Variants in TNRC18 observed in about 807,000 individuals in gnomAD.
The protein encoded by TNRC18 is trinucleotide repeat-containing gene 18 protein.
TNRC18 carries 69 observed loss-of-function variants against 226.7 expected under a neutral mutation model. The observed-to-expected ratio is 0.30, with a 90% confidence interval of 0.25 to 0.37. The LOEUF is 0.37. Among genes scored for constraint, TNRC18 ranks in the 10% least tolerant of loss-of-function variants. TNRC18 has a pLI of 1.00. For synonymous variants in TNRC18, 2,449 were observed against 1,927.6 expected, an observed-to-expected ratio of 1.27 and a Z score of -7.09; for missense variants, 4,754 against 4,256.6, an observed-to-expected ratio of 1.12 and a Z score of -3.25.
intron 2 of TNRC18, among the ~76,000 whole-genome samples, chr7:5,395,263 G>A (rs193197430): frequency 5.2e-4 from 79 of 152,308 alleles, no homozygotes; most frequent in African/African-American, 1.8e-3. Flanking sequence ...GAATGAATCC[G>A]TGATGAATGG....
At chr7:5,314,836 G>C in intron 26 of TNRC18, 148 bp downstream of exon 26, 1 of 874,398 alleles carries the variant, frequency 1.1e-6, no homozygotes, top group Non-Finnish European at 1.7e-6. Context: ...GCCTCCCAAA[G>C]CGCTGGGATT....
chr7:5,351,860 C>CGCGCCTCGGCCTCTCGAA lies in TNRC18; in HGVS notation c.5411_5428dup (p.Leu1804_Ala1809dup), dbSNP rs1213723382. ...CTCCGAAGAGTCGCTGAAGGAGGAA[C>CGCGCCTCGGCCTCTCGAA]GCGCCTCGGCCTCTCGAAGCAGCAG... is the stretch of plus-strand genomic sequence containing the variant. On this transcript the variant is annotated inframe_insertion, in exon 17 of 30. Transcript: ENST00000430969. 1 of 1,608,338 alleles carries CGCGCCTCGGCCTCTCGAA rather than the reference C, an allele frequency of 6.2e-7. No individual in the cohort carries two copies. Among genetic ancestry groups the CGCGCCTCGGCCTCTCGAA allele is most frequent in the Admixed American group, 1.7e-5 (1 of 58,382 alleles).
rs1788550107 is a variant in TNRC18 at position 5,323,179 on chromosome 7, C to T, written c.6442+1035G>A. Among the ~76,000 whole-genome samples the T allele has an allele frequency of 2.6e-5, 4 of 152,214 alleles. No homozygotes were observed. In the South Asian group the frequency reaches 6.2e-4, roughly 24 times the overall value. On this transcript the variant is annotated intron_variant, in intron 21 of 29. Transcript: ENST00000430969. ...GCAGGTGACCAATGCAGCCTTGGGG[C>T]GGCCGACTCCTTCTCACTCGCTCCC...
intron 18 of TNRC18, among the ~76,000 whole-genome samples, chr7:5,336,929 G>A (rs1790169882): frequency 6.6e-6 from 1 of 152,138 alleles, no homozygotes; most frequent in South Asian, 2.1e-4. Flanking sequence ...TGTTAAACAG[G>A]AAAAGAAAGA....
At chr7:5,387,573 C>T in intron 5 of TNRC18, 99 bp downstream of exon 5, 2 of 1,491,328 alleles carry the variant, frequency 1.3e-6, no homozygotes, top group Non-Finnish European at 1.8e-6. Flanking sequence ...CTTATAAAGA[C>T]TTAGCAATAG....
Position 5,378,022 on chromosome 7 carries a change from G to A in TNRC18, c.2155C>T (p.His719Tyr), listed in dbSNP as rs1779127634. 2 of 1,609,070 alleles carry A rather than the reference G, an allele frequency of 1.2e-6. No homozygotes were observed. The highest frequency in any genetic ancestry group is 1.7e-6 in the Non-Finnish European group (2 of 1,179,428). ...RSLSLSNVKG[H>Y]GRADEDCVDD... is the part of the protein sequence containing the mutation. ...ACACAGTCCTCATCTGCTCGGCCGT[G>A]CCCTGCAGGGGGCCAGGTGGAAGTG... The change falls in exon 6 of 30, where the codon CAC becomes TAC. Residue 719 changes from histidine (H) to tyrosine (Y), a missense_variant and splice_region_variant. Physicochemically the swap from His to Tyr is moderately conservative, Grantham distance 83. Transcript: ENST00000430969.
intron 17 of TNRC18, among the ~76,000 whole-genome samples, chr7:5,347,725 G>A (rs1347090037): frequency 6.6e-6 from 1 of 151,702 alleles, no homozygotes; most frequent in Admixed American, 6.6e-5. Flanking sequence ...GGGAGGCCAA[G>A]GCATGTGGAT....
chr7:5,318,060 C>T (rs1274408925), intron 24 of TNRC18, among the ~76,000 whole-genome samples: 2 of 151,988 alleles, frequency 1.3e-5, no homozygotes, highest in Non-Finnish European at 2.9e-5. Context: ...TTAATAGAGA[C>T]GGGGTTTCAC....
At position 5,361,542 on chromosome 7, in the gene TNRC18, C is replaced by T. The variant is rs1032253321; in HGVS notation, c.4661+52G>A. 3 of 1,440,394 alleles carry T rather than the reference C, an allele frequency of 2.1e-6. No individual in the cohort carries two copies. The African/African-American group carries it at 4.5e-5, about 21-fold the overall frequency. 89.2% of individuals were successfully genotyped at this position (1,440,394 alleles called of 1,614,324 possible). A position where few individuals can be genotyped will look rare whatever the true frequency, so the allele number is the denominator to read the frequency against. ...GCAGGCCCTGCGTGGGGCCCGGGCT[C>T]CTCCCCTCAAGCTGTGTGCCAGTCC... On this transcript the variant is annotated intron_variant, in intron 14 of 29. Coordinates refer to ENST00000430969, the MANE Select transcript of TNRC18 (RefSeq NM_001080495.3).
At chr7:5,351,199 AGGGGAGGAGGTG>A (rs937061126) in intron 17 of TNRC18, among the ~76,000 whole-genome samples, 2 of 150,326 alleles carry the variant, frequency 1.3e-5, no homozygotes, top group African/African-American at 4.9e-5. Context: ...GGGAGGAGGG[AGGGGAGGAGGTG>A]GGGGAGAAAC....
At position 5,312,111 on chromosome 7, in the gene TNRC18, G is replaced by A. The variant is rs1314679222; in HGVS notation, c.8388+392C>T. On this transcript the variant is annotated intron_variant, in intron 27 of 29. Transcript: ENST00000430969. This position sits in a 1 kb window ranked among gnomAD's most constrained non-coding sequence, Gnocchi z 6.3. ...AGATCACACCACCACACTCCAGCCT[G>A]GGCAACAGAGAGAGACTCAGTCTCA... Among the ~76,000 whole-genome samples, 1 of 152,212 alleles carries A rather than the reference G, an allele frequency of 6.6e-6. No individual in the cohort carries two copies. Among genetic ancestry groups the A allele is most frequent in the Admixed American group, 6.5e-5 (1 of 15,278 alleles).
At position 5,389,053 on chromosome 7, in the gene TNRC18, G is replaced by T; in HGVS notation, c.771C>A (p.Arg257=). Residue 257 remains arginine (R), a synonymous_variant, in exon 5 of 30, where the codon CGC becomes CGA. Transcript: ENST00000430969. ...GGAAGGGCGACAGGCGCTCAGCCAG[G>T]CGCGGGGGCCCCCGGTCCTGGCGGC... is the stretch of plus-strand genomic sequence containing the variant. ...AEGRQDRGPP[R]LAERLSPFLA... 1 of 1,290,738 alleles carries T rather than the reference G, an allele frequency of 7.7e-7. No homozygotes were observed. The highest frequency in any genetic ancestry group is 9.9e-7 in the Non-Finnish European group (1 of 1,010,400). The allele number at this position is 1,290,738 out of a possible 1,614,324, so 80.0% of individuals were successfully genotyped here. A position where few individuals can be genotyped will look rare whatever the true frequency, so the allele number is the denominator to read the frequency against.
chr7:5,345,522 T>TCCCCCCCCCCCCCCCCCCCCCCCC, intron 18 of TNRC18, 40 bp downstream of exon 18: 1 of 170,136 alleles, frequency 5.9e-6, no homozygotes. Context: ...CGTCCGCCCC[T>TCCCCCCCCCCCCCCCCCCCCCCCC]CCCACCCACC....
rs61743883 is a variant in TNRC18 at position 5,370,867 on chromosome 7, G to A, written c.3727C>T (p.Leu1243=). 4.7e-3 allele frequency: 7,533 copies of A among 1,608,280 alleles called. 20 individuals carry two copies. Among genetic ancestry groups the A allele is most frequent in the Non-Finnish European group, 5.9e-3 (6,950 of 1,179,708 alleles). ...GGTGTCAGCTGCACCCCCAGGTCCA[G>A]GGCGGCGGTGCAGGGTTCTGTCCGG... is the stretch of plus-strand genomic sequence containing the variant. ...PGRTEPCTAA[L]DLGVQLTPET... Residue 1243 remains leucine, a synonymous_variant, in exon 11 of 30, where the codon CTG becomes TTG. Coordinates refer to ENST00000430969, the MANE Select transcript of TNRC18 (RefSeq NM_001080495.3).
intron 12 of TNRC18, 80 bp from the exon 13 acceptor site, chr7:5,362,113 CT>C: frequency 6.5e-7 from 1 of 1,541,530 alleles, no homozygotes; most frequent in East Asian, 2.3e-5. Flanking sequence ...AGGGGTGCCC[CT>C]GAGGAAGGGG....
Position 5,423,513 on chromosome 7 carries a change from G to C in TNRC18, c.-316C>G, listed in dbSNP as rs946990967. The C allele has an allele frequency of 1.3e-5, 2 of 152,074 alleles. No individual in the cohort carries two copies. Among genetic ancestry groups the C allele is most frequent in the African/African-American group, 4.8e-5 (2 of 41,398 alleles). The allele number at this position is 152,074 out of a possible 1,614,324, so 9.4% of individuals were successfully genotyped here. The stretch of plus-strand genomic sequence containing the variant: ...GGCGGCGGCCCCGGCTCCCGGCGCA[G>C]CTAGGCGCCCCTGCTGCCCGCCATC... On this transcript the variant is annotated 5_prime_UTR_variant, in exon 1 of 30. Transcript: ENST00000430969.
intron 18 of TNRC18, among the ~76,000 whole-genome samples, chr7:5,335,562 G>A (rs1009926650): frequency 4.1e-5 from 6 of 146,254 alleles, no homozygotes; most frequent in East Asian, 2.0e-4. Context: ...CTGAGATCGC[G>A]CCACTGCACT....
intron 18 of TNRC18, among the ~76,000 whole-genome samples, chr7:5,340,440 A>C (rs528947566): frequency 2.6e-5 from 4 of 152,292 alleles, no homozygotes; most frequent in African/African-American, 9.6e-5. Flanking sequence ...ATGAGGTGTA[A>C]GGAAAGAAGC....
intron 18 of TNRC18, among the ~76,000 whole-genome samples, chr7:5,342,578 T>C (rs1252713198): frequency 6.6e-6 from 1 of 152,164 alleles, no homozygotes; most frequent in Non-Finnish European, 1.5e-5. Context: ...TGGGACTGAA[T>C]TGTTGCAATG....
Sources: gnomAD v4.1 joint callset for allele counts (sites outside exome capture counted in the v4.1 genomes callset) on GRCh38, gnomAD v4.1.1 for gene constraint, Gnocchi (gnomAD v3.1) non-coding constraint, MANE v1.5 for transcripts, NCBI Gene and HGNC (gene_info 2026-07-23, HGNC 2026-07-21) for gene names.